The following NFKB1 variants were observed in gnomAD, a reference collection of about 807,000 sequenced individuals.
NFKB1 encodes the protein nuclear factor kappa B subunit 1.
NFKB1 carries 9 observed loss-of-function variants against 105.1 expected under a neutral mutation model. That is an observed-to-expected ratio of 0.09 (90% confidence interval 0.05 to 0.15). The LOEUF (loss-of-function observed/expected upper bound fraction) is 0.15, where lower values mean the gene tolerates loss of function less well. Ranked by LOEUF, NFKB1 falls within the 10% of genes least tolerant of loss-of-function variation. NFKB1 has a pLI of 1.00. For synonymous variants in NFKB1, 440 were observed against 442.2 expected (o/e 1.00, Z 0.06); for missense variants, 830 against 1,203.7 (o/e 0.69, Z 4.59).
Position 102,600,953 on chromosome 4 carries a change from G to A in NFKB1, c.1696G>A (p.Val566Ile), listed in dbSNP as rs776670245. 1.1e-5 allele frequency: 18 copies of A among 1,612,938 alleles called. No homozygotes were observed. The highest frequency in any genetic ancestry group is 1.5e-5 in the Non-Finnish European group (18 of 1,179,112). ...TCAACTTGTGAGGGATCTACTAGAA[G>A]TCACATCTGGTTTGATTTCTGATGA... Reference protein sequence around the residue: ...HSQLVRDLLEVTSGLISDDII... With the variant: ...HSQLVRDLLEITSGLISDDII... Residue 566 changes from valine to isoleucine, a missense_variant, in exon 16 of 24, where the codon GTC (valine) becomes ATC (isoleucine). By Grantham distance (29) the Val-to-Ile change is conservative. This residue lies in a region of NFKB1 where 418 missense variants were observed against 575.3 expected (regional missense o/e 0.73). Transcript: ENST00000226574.
intron 19 of NFKB1, 89 bp from the exon 20 acceptor site, chr4:102,610,486 T>G (rs1263505168): frequency 1.4e-6 from 2 of 1,430,674 alleles, no homozygotes; most frequent in African/African-American, 2.8e-5. Context: ...GCTGCTACAT[T>G]GCTTTGCCTT....
rs773795177 is a variant in NFKB1, at chr4:102,607,331, A to G, written c.2124+12A>G. 1.1e-5 allele frequency: 17 copies of G among 1,600,732 alleles called. No individual in the cohort carries two copies. Among genetic ancestry groups the G allele is most frequent in the Middle Eastern group, 1.7e-4 (1 of 6,008 alleles). ...GCCTGCTCCTGGAGGTGAAGGGCAC[A>G]CTTATTTGCTTTTGCATTAAATTTC... On this transcript the variant is annotated intron_variant, in intron 18 of 23. Transcript: ENST00000226574.
At chr4:102,579,718 T>C (rs230544) in intron 8 of NFKB1, among the ~76,000 whole-genome samples, 87,732 of 149,370 alleles carry the variant, frequency 0.59, 26,008 homozygotes, top group Middle Eastern at 0.71. Flanking sequence ...TTTACAGTAA[T>C]CTTCAGCATT....
Position 102,511,994 on chromosome 4 carries a change from A to G in NFKB1, c.-8+10206A>G, listed in dbSNP as rs768930064. On this transcript the variant is annotated intron_variant, in intron 1 of 23. Transcript: ENST00000226574. Reference sequence around the variant, plus strand: ...CACATAGACAATGGAGCGTTGACTGAATGAATTCATTATTCCAAGGTGCTA... The same window carrying G: ...CACATAGACAATGGAGCGTTGACTGGATGAATTCATTATTCCAAGGTGCTA... Among the ~76,000 whole-genome samples, 50 of 152,036 alleles carry G rather than the reference A, an allele frequency of 3.3e-4. No individual in the cohort carries two copies. In the East Asian group the frequency reaches 3.9e-3, roughly 12 times the overall value.
At chr4:102,550,659 G>T (rs1212913944) in intron 5 of NFKB1, among the ~76,000 whole-genome samples, 1 of 152,158 alleles carries the variant, frequency 6.6e-6, no homozygotes, top group Non-Finnish European at 1.5e-5. Flanking sequence ...GTTTTAGAAT[G>T]GCTATACCAA....
chr4:102,612,238 G>A (rs1364623949), intron 21 of NFKB1, 128 bp downstream of exon 21: 25 of 981,184 alleles, frequency 2.5e-5, no homozygotes, highest in African/African-American at 4.9e-5. Flanking sequence ...GATGCTGGAG[G>A]TAGATAAGGA....
At chr4:102,532,798 T>A (rs1741384154) in intron 3 of NFKB1, among the ~76,000 whole-genome samples, 1 of 152,196 alleles carries the variant, frequency 6.6e-6, no homozygotes, top group Non-Finnish European at 1.5e-5. Context: ...TCCTAAAATA[T>A]TTTTAGCACC....
chr4:102,591,845 G>A (rs952305190), intron 11 of NFKB1, among the ~76,000 whole-genome samples: 14 of 152,204 alleles, frequency 9.2e-5, no homozygotes, highest in South Asian at 8.3e-4. Flanking sequence ...TGTAGCTGCC[G>A]TAGATAGTGA....
intron 2 of NFKB1, among the ~76,000 whole-genome samples, chr4:102,529,059 A>G (rs1741108185): frequency 6.6e-6 from 1 of 152,088 alleles, no homozygotes; most frequent in South Asian, 2.1e-4. Context: ...CCCTCTCATC[A>G]GGCCCACCTG....
At chr4:102,531,882 C>G (rs1741314205) in intron 3 of NFKB1, among the ~76,000 whole-genome samples, 1 of 152,090 alleles carries the variant, frequency 6.6e-6, no homozygotes, top group South Asian at 2.1e-4. Context: ...GCTTCCAACT[C>G]CTCTGTATTT....
chr4:102,579,265 G>A (rs1725122791), intron 8 of NFKB1, among the ~76,000 whole-genome samples: 1 of 152,036 alleles, frequency 6.6e-6, no homozygotes, highest in South Asian at 2.1e-4. Flanking sequence ...TTCCTTTGAT[G>A]TACATTTTTT....
At chr4:102,510,898 C>T in intron 1 of NFKB1, 6 of 1,279,030 alleles carry the variant, frequency 4.7e-6, no homozygotes, top group African/African-American at 1.5e-5. Flanking sequence ...CAACGTCCTA[C>T]ATCAAGAAAA....
chr4:102,586,788 G>T (rs1179683029), intron 11 of NFKB1, among the ~76,000 whole-genome samples: 1 of 152,192 alleles, frequency 6.6e-6, no homozygotes, highest in Non-Finnish European at 1.5e-5. Context: ...TTGCCACGGG[G>T]CACCCAGATC....
chr4:102,609,540 A>C (rs1186573980), intron 19 of NFKB1, among the ~76,000 whole-genome samples: 4 of 134,964 alleles, frequency 3.0e-5, no homozygotes, highest in African/African-American at 1.1e-4. Flanking sequence ...TGAGCCCTGG[A>C]GGCTGAGGTT....
Position 102,609,134 on chromosome 4 carries a change from T to C in NFKB1, c.2227+1383T>C, listed in dbSNP as rs536158437. On this transcript the variant is annotated intron_variant, in intron 19 of 23. Transcript: ENST00000226574. ...CACCACTGCACTCCAGCCTGAGCTA[T>C]AGAATAAGAATAAGACCCTGTCTCA... Among the ~76,000 whole-genome samples, 3 of 122,262 alleles carry C rather than the reference T, an allele frequency of 2.5e-5. No homozygotes were observed. In the South Asian group the frequency reaches 7.6e-4, roughly 31 times the overall value. The allele number at this position is 122,262 out of a possible 152,430, so 80.2% of individuals were successfully genotyped here.
chr4:102,580,542 C>T lies in NFKB1; in HGVS notation c.738C>T (p.Pro246=), dbSNP rs1007034559. The change falls in exon 9 of 24, where the codon CCC becomes CCT. Residue 246 remains proline, a synonymous_variant. Transcript: ENST00000226574. ...VSDAIYDSKA[P]NASNLKIVRM... ...TTTTTCCCCTGTGAACAGAAGCCCC[C>T]AATGCATCCAACTTGAAAATTGTAA... 7.4e-6 allele frequency: 12 copies of T among 1,613,686 alleles called. No homozygotes were observed. In the East Asian group the frequency reaches 2.5e-4, roughly 33 times the overall value.
At chr4:102,601,130 T>C in intron 16 of NFKB1, 121 bp downstream of exon 16, 3 of 625,002 alleles carry the variant, frequency 4.8e-6, no homozygotes, top group Non-Finnish European at 8.4e-6. Flanking sequence ...AAACAAACCT[T>C]TGTAGGTAAT....
chr4:102,601,409 T>C (rs943990454), intron 16 of NFKB1, among the ~76,000 whole-genome samples: 1 of 152,206 alleles, frequency 6.6e-6, no homozygotes, highest in African/African-American at 2.4e-5. Flanking sequence ...CTTGACAACA[T>C]CCAGATTAAA....
At chr4:102,598,999 G>A (rs991546603) in intron 15 of NFKB1, among the ~76,000 whole-genome samples, 2 of 152,128 alleles carry the variant, frequency 1.3e-5, no homozygotes, top group Admixed American at 6.5e-5. Flanking sequence ...CAAGTCTCTT[G>A]TTTTAATTCA....
Sources: allele counts gnomAD v4.1 joint callset (sites outside exome capture counted in the v4.1 genomes callset), GRCh38; gene constraint gnomAD v4.1.1; regional missense constraint gnomAD v4.1.1; transcripts MANE v1.5; gene names NCBI Gene and HGNC (gene_info 2026-07-23, HGNC 2026-07-21).